ZRSR2: variants seen among roughly 807,000 people sequenced by gnomAD.
The protein encoded by ZRSR2 is U2 small nuclear ribonucleoprotein auxiliary factor 35 kDa subunit-related protein 2.
A neutral mutation model predicts 39.4 loss-of-function variants in ZRSR2; 3 were observed. The ratio of observed to expected loss-of-function variants is 0.08; its 90% CI spans 0.03 to 0.20. The LOEUF (loss-of-function observed/expected upper bound fraction) is 0.20. ZRSR2 is among the 10% of genes least tolerant of loss of function. ZRSR2 has a pLI of 1.00. For missense variants in ZRSR2, 256 were observed against 391.5 expected, an observed-to-expected ratio of 0.65 and a Z score of 2.92; for synonymous variants, 137 against 136.0, an observed-to-expected ratio of 1.01 and a Z score of -0.05.
At chrX:15,797,484 C>T (rs1932518609) in intron 2 of ZRSR2, among the ~76,000 whole-genome samples, 1 of 110,069 alleles carries the variant, frequency 9.1e-6, no homozygotes, top group African/African-American at 3.3e-5. Flanking sequence ...TGCTGGGATT[C>T]CAGGCATGAG....
At chrX:15,798,121 A>G (rs1932542480) in intron 2 of ZRSR2, among the ~76,000 whole-genome samples, 1 of 112,796 alleles carries the variant, frequency 8.9e-6, no homozygotes, top group South Asian at 3.6e-4. Context: ...AAGTTTACTT[A>G]CTTAAGAAAA....
intron 2 of ZRSR2, among the ~76,000 whole-genome samples, chrX:15,793,120 C>T (rs1225301607): frequency 9.0e-6 from 1 of 111,633 alleles, no homozygotes; most frequent in African/African-American, 3.3e-5. Context: ...TTATTGAGGC[C>T]CTTATTGTAC....
rs757369196 is a variant in ZRSR2, at chrX:15,799,913, GAAC to G, written c.170_172del (p.Gln57del). On this transcript the variant is annotated inframe_deletion, in exon 3 of 11. Coordinates refer to ENST00000307771, the MANE Select transcript of ZRSR2 (RefSeq NM_005089.4). ...GGAAGAGGAGGACACTTTTATTGAA[GAAC>G]AACAACTAGAAGAAGAGAAGCTATT... 5 of 1,202,546 alleles carry G rather than the reference GAAC, an allele frequency of 4.2e-6. No homozygotes were observed. In the Admixed American group the frequency reaches 1.1e-4, roughly 27 times the overall value.
At chrX:15,796,674 A>G (rs1160425657) in intron 2 of ZRSR2, among the ~76,000 whole-genome samples, 1 of 110,909 alleles carries the variant, frequency 9.0e-6, no homozygotes, top group Non-Finnish European at 1.9e-5. Flanking sequence ...AAAGTTGTCA[A>G]TGATTATGTT....
At chrX:15,796,952 C>T (rs1335804207) in intron 2 of ZRSR2, among the ~76,000 whole-genome samples, 2 of 108,302 alleles carry the variant, frequency 1.8e-5, no homozygotes, top group African/African-American at 6.7e-5. Flanking sequence ...CACCACCACA[C>T]CTGGCTAATT....
intron 9 of ZRSR2, 133 bp downstream of exon 9, chrX:15,818,775 GTTT>G: frequency 1.7e-6 from 1 of 576,635 alleles, no homozygotes; most frequent in East Asian, 4.2e-5. Context: ...TTTTTATTTT[GTTT>G]TTTTCTTTTG....
At chrX:15,801,563 C>T (rs1346038269) in intron 3 of ZRSR2, 7 of 164,310 alleles carry the variant, frequency 4.3e-5, no homozygotes, top group Non-Finnish European at 2.4e-5. Context: ...CTTCTATTTC[C>T]TTGTCTGTAA....
intron 5 of ZRSR2, among the ~76,000 whole-genome samples, chrX:15,806,392 C>T (rs367782783): frequency 2.1e-4 from 23 of 111,203 alleles, no homozygotes; most frequent in African/African-American, 7.5e-4. Flanking sequence ...GACTCTGTCT[C>T]ATTTATATCT....
chrX:15,804,479 T>G (rs1932760752), intron 5 of ZRSR2, among the ~76,000 whole-genome samples: 1 of 111,563 alleles, frequency 9.0e-6, no homozygotes, highest in Non-Finnish European at 1.9e-5. Context: ...TATTTTAGGC[T>G]TTATGGTTTG....
intron 6 of ZRSR2, among the ~76,000 whole-genome samples, chrX:15,808,664 C>G (rs1280153414): frequency 9.6e-6 from 1 of 104,324 alleles, no homozygotes; most frequent in African/African-American, 3.5e-5. Context: ...TCTTGTTGCC[C>G]AGGCTGGAGT....
intron 7 of ZRSR2, 121 bp downstream of exon 7, chrX:15,809,439 C>A: frequency 1.9e-6 from 1 of 521,329 alleles, no homozygotes; most frequent in Non-Finnish European, 3.3e-6. Context: ...ACATCTGCTG[C>A]CTTCTTGCTG....
rs891334828 is a variant in ZRSR2 at position 15,796,190 on chromosome X, G to A, written c.122-3682G>A. Among the ~76,000 whole-genome samples, 4 of 111,211 alleles carry A rather than the reference G, an allele frequency of 3.6e-5. No homozygotes were observed. The South Asian group carries it at 1.1e-3, about 31-fold the overall frequency. On this transcript the variant is annotated intron_variant, in intron 2 of 10. Transcript: ENST00000307771. ...ATTACAGACACGCACCACCGCGCCCGGCCATCATGACTTTTCTCTGCTTCT... is the reference window on the plus strand; with the variant it reads ...ATTACAGACACGCACCACCGCGCCCAGCCATCATGACTTTTCTCTGCTTCT...
chrX:15,822,036 G>A (rs995035755), intron 10 of ZRSR2, among the ~76,000 whole-genome samples: 18 of 109,531 alleles, frequency 1.6e-4, no homozygotes, highest in African/African-American at 5.3e-4. Flanking sequence ...TGTCGCCCAG[G>A]CTGGAGTGCA....
intron 7 of ZRSR2, among the ~76,000 whole-genome samples, chrX:15,811,990 C>T (rs2147286897): frequency 9.0e-6 from 1 of 111,567 alleles, no homozygotes; most frequent in East Asian, 2.8e-4. Flanking sequence ...AGTGCAGTGG[C>T]ACGATCTCCG....
chrX:15,802,604 C>T (rs1037442728), intron 3 of ZRSR2, among the ~76,000 whole-genome samples: 2 of 110,548 alleles, frequency 1.8e-5, no homozygotes, highest in Admixed American at 1.9e-4. Context: ...GGATTATAGG[C>T]GGCTGCCACC....
chrX:15,816,424 C>T (rs1433401475), intron 8 of ZRSR2, among the ~76,000 whole-genome samples: 1 of 112,143 alleles, frequency 8.9e-6, no homozygotes, highest in African/African-American at 3.2e-5. Flanking sequence ...ACCTAACCCC[C>T]TTCTTTTTTT....
chrX:15,820,752 C>T (rs771679774), intron 10 of ZRSR2, among the ~76,000 whole-genome samples: 1 of 112,154 alleles, frequency 8.9e-6, no homozygotes, highest in Admixed American at 9.5e-5. Flanking sequence ...CTGTCATGAC[C>T]ACCTACGTTA....
At chrX:15,795,257 G>A (rs1932414107) in intron 2 of ZRSR2, among the ~76,000 whole-genome samples, 2 of 110,565 alleles carry the variant, frequency 1.8e-5, no homozygotes, top group African/African-American at 6.6e-5. Context: ...CATCTTCAAT[G>A]GTATAATCTT....
chrX:15,812,030 C>T (rs767926063), intron 7 of ZRSR2, among the ~76,000 whole-genome samples: 10 of 110,902 alleles, frequency 9.0e-5, no homozygotes, highest in South Asian at 3.8e-4. Flanking sequence ...CCTGGGTTCG[C>T]GCCATTCTCC....
Sources: gnomAD v4.1 joint callset for allele counts (sites outside exome capture counted in the v4.1 genomes callset) on GRCh38, gnomAD v4.1.1 for gene constraint, MANE v1.5 for transcripts, NCBI Gene and HGNC (gene_info 2026-07-23, HGNC 2026-07-21) for gene names.